The following PEX11G variants were observed in gnomAD, a reference collection of about 807,000 sequenced individuals.
The protein encoded by PEX11G is peroxisomal membrane protein 11C.
PEX11G carries 20 observed loss-of-function variants against 22.5 expected under a neutral mutation model. The ratio of observed to expected loss-of-function variants is 0.89; its 90% CI spans 0.62 to 1.29. The LOEUF (loss-of-function observed/expected upper bound fraction) is 1.29, where lower values mean the gene tolerates loss of function less well. Among genes scored for constraint, PEX11G ranks in the 50% most tolerant of loss-of-function variants. The pLI is 0.00. For missense variants in PEX11G, 347 were observed against 331.3 expected (o/e 1.05, Z -0.37); for synonymous variants, 141 against 154.5 (o/e 0.91, Z 0.65).
intron 1 of PEX11G, among the ~76,000 whole-genome samples, chr19:7,488,303 C>T (rs1249015646): frequency 6.6e-6 from 1 of 152,226 alleles, no homozygotes; most frequent in Admixed American, 6.5e-5. Flanking sequence ...TCTAGGTTGG[C>T]TGAAACAACC....
chr19:7,477,247 G>A lies in PEX11G; in HGVS notation c.681C>T (p.Tyr227=). The A allele has an allele frequency of 6.4e-7, 1 of 1,572,780 alleles. No homozygotes were observed. The highest frequency in any genetic ancestry group is 8.6e-7 in the Non-Finnish European group (1 of 1,163,232). ...CCTGGCCGCCGGCCCGGGCCGCCTG[G>A]TACATGCTGAGGATTGAGGAGATGG... ...MGTISSILSM[Y]QAARAGGQAE... Residue 227 remains tyrosine (Y), a synonymous_variant, in exon 5 of 5, where the codon TAC becomes TAT. Coordinates refer to ENST00000221480, the MANE Select transcript of PEX11G (RefSeq NM_080662.4).
At chr19:7,479,749 G>A (rs1469112311) in intron 3 of PEX11G, among the ~76,000 whole-genome samples, 1 of 152,214 alleles carries the variant, frequency 6.6e-6, no homozygotes, top group Non-Finnish European at 1.5e-5. Flanking sequence ...TGCAAGGGGG[G>A]ACACGTGTCA....
chr19:7,479,588 A>G (rs1549256), intron 3 of PEX11G, among the ~76,000 whole-genome samples: 36,401 of 152,238 alleles, frequency 0.24, 4,584 homozygotes, highest in African/African-American at 0.33. Flanking sequence ...ATGTCTGGTC[A>G]TGATGAGCAC....
chr19:7,484,009 G>T (rs191839305), intron 2 of PEX11G, among the ~76,000 whole-genome samples: 2 of 152,168 alleles, frequency 1.3e-5, no homozygotes, highest in Non-Finnish European at 2.9e-5. Flanking sequence ...ATCCGAAGCT[G>T]CATAGCAGAG....
upstream of PEX11G, among the ~76,000 whole-genome samples, chr19:7,492,416 T>A (rs1313248961): frequency 6.6e-6 from 1 of 152,180 alleles, no homozygotes; most frequent in Non-Finnish European, 1.5e-5. Context: ...TGATGACTAA[T>A]GATGTCAACG....
chr19:7,485,695 T>C, intron 2 of PEX11G, 143 bp downstream of exon 2: 1 of 741,374 alleles, frequency 1.3e-6, no homozygotes, highest in South Asian at 2.2e-5. Flanking sequence ...GGTCTCGAAC[T>C]CCTGACCTCA....
rs1442792190 is a variant in PEX11G, at chr19:7,479,356, C to T, written c.429-980G>A. On this transcript the variant is annotated intron_variant, in intron 3 of 4. Coordinates refer to ENST00000221480, the MANE Select transcript of PEX11G (RefSeq NM_080662.4). Reference sequence around the variant, plus strand: ...AAAATTAGCTGGGGGTGGTGGTGGGCGCCTGTAATCCCAGGTACTCGGGAG... The same window carrying T: ...AAAATTAGCTGGGGGTGGTGGTGGGTGCCTGTAATCCCAGGTACTCGGGAG... Among the ~76,000 whole-genome samples the T allele has an allele frequency of 4.6e-5, 7 of 152,226 alleles. No homozygotes were observed. In the South Asian group the frequency reaches 1.0e-3, roughly 23 times the overall value.
chr19:7,484,141 G>A (rs776399766), intron 2 of PEX11G, among the ~76,000 whole-genome samples: 12 of 152,042 alleles, frequency 7.9e-5, no homozygotes, highest in Non-Finnish European at 1.6e-4. Context: ...GATCACTTGA[G>A]CCCAGGAGTT....
upstream of PEX11G, chr19:7,489,255 G>A (rs1599226353): frequency 9.7e-6 from 12 of 1,240,602 alleles, no homozygotes; most frequent in Non-Finnish European, 1.1e-5. Flanking sequence ...GCCCCACGGC[G>A]GTTTGGCCAA....
upstream of PEX11G, chr19:7,489,128 C>G: frequency 7.8e-7 from 1 of 1,275,002 alleles, no homozygotes; most frequent in Non-Finnish European, 1.0e-6. Flanking sequence ...CCTTTGTCCC[C>G]CTGACCGGCT....
chr19:7,482,400 C>G (rs1320489951), intron 2 of PEX11G, among the ~76,000 whole-genome samples, 189 bp from the exon 3 acceptor site: 2 of 152,200 alleles, frequency 1.3e-5, no homozygotes, highest in African/African-American at 4.8e-5. Flanking sequence ...TTCTGTGTCT[C>G]GGCAGCACGG....
At chr19:7,492,823 CTGT>C (rs1354655459), upstream of PEX11G, among the ~76,000 whole-genome samples, 3 of 152,166 alleles carry the variant, frequency 2.0e-5, no homozygotes, top group South Asian at 4.1e-4. Context: ...TGCTTTCCTC[CTGT>C]TGTTTAAAGT....
chr19:7,490,642 AT>A (rs749165168), upstream of PEX11G, among the ~76,000 whole-genome samples: 347 of 55,110 alleles, frequency 6.3e-3, 4 homozygotes, highest in African/African-American at 0.018. Flanking sequence ...CCTGGCCTCT[AT>A]TTTTTTTTTT....
At chr19:7,483,333 C>T (rs891422156) in intron 2 of PEX11G, 1 of 152,330 alleles carries the variant, frequency 6.6e-6, no homozygotes, top group Non-Finnish European at 1.5e-5. Context: ...TTGCCCACCT[C>T]CCTGAGGATG....
Position 7,477,089 on chromosome 19 carries a change from G to T in PEX11G, c.*113C>A. The T allele has an allele frequency of 9.7e-7, 1 of 1,033,386 alleles. No individual in the cohort carries two copies. The highest frequency in any genetic ancestry group is 1.3e-6 in the Non-Finnish European group (1 of 761,990). 64.0% of individuals were successfully genotyped at this position (1,033,386 alleles called of 1,614,324 possible). On this transcript the variant is annotated 3_prime_UTR_variant, in exon 5 of 5. Coordinates refer to ENST00000221480, the MANE Select transcript of PEX11G (RefSeq NM_080662.4). Reference sequence around the variant, plus strand: ...AGTCCCTCCACCCACCCTGCCCATGGGTTTCACCACAGGCAGCTCCATGAG... The same window carrying T: ...AGTCCCTCCACCCACCCTGCCCATGTGTTTCACCACAGGCAGCTCCATGAG...
In PEX11G at chr19:7,482,172, T is replaced by A. The variant is rs1279936770; in HGVS notation, c.289A>T (p.Asn97Tyr). The stretch of plus-strand genomic sequence containing the variant: ...GGGTAGTAGAGCTGGTCAGCCAGGT[T>A]CCCTAGGACGGAGACACAGCGGACA... ...AFVRCVSVLG[N>Y]LADQLYYPCE... The change falls in exon 3 of 5, where the codon AAC (asparagine) becomes TAC (tyrosine). Residue 97 changes from asparagine to tyrosine, a missense_variant. By Grantham distance (143) the Asn-to-Tyr change is moderately radical. Coordinates refer to ENST00000221480, the MANE Select transcript of PEX11G (RefSeq NM_080662.4). The A allele has an allele frequency of 2.7e-5, 43 of 1,585,374 alleles. No homozygotes were observed. The highest frequency in any genetic ancestry group is 3.7e-5 in the Non-Finnish European group (43 of 1,166,650).
upstream of PEX11G, chr19:7,489,493 T>C (rs1208058172): frequency 5.1e-6 from 5 of 988,292 alleles, no homozygotes; most frequent in Non-Finnish European, 6.0e-6. Context: ...AGACGTTATC[T>C]TTGGACGTTA....
upstream of PEX11G, among the ~76,000 whole-genome samples, chr19:7,493,746 C>G (rs1199515462): frequency 6.6e-6 from 1 of 151,808 alleles, no homozygotes; most frequent in African/African-American, 2.4e-5. Flanking sequence ...TGACTCACAC[C>G]TGTAATCCCA....
At chr19:7,484,883 G>A (rs746723544) in intron 2 of PEX11G, among the ~76,000 whole-genome samples, 4 of 152,152 alleles carry the variant, frequency 2.6e-5, no homozygotes, top group Non-Finnish European at 5.9e-5. Context: ...CCTTTGGAAT[G>A]TGTGAACGTT....
Sources: allele counts gnomAD v4.1 joint callset (sites outside exome capture counted in the v4.1 genomes callset), GRCh38; gene constraint gnomAD v4.1.1; transcripts MANE v1.5; gene names NCBI Gene and HGNC (gene_info 2026-07-23, HGNC 2026-07-21).